The following CAMK1D variants were observed in gnomAD, a reference collection of about 807,000 sequenced individuals.
CAMK1D encodes the protein calcium/calmodulin-dependent protein kinase type 1D.
In CAMK1D, 9 loss-of-function variants were observed where a neutral mutation model predicts 47.7. The ratio of observed to expected loss-of-function variants is 0.19; its 90% CI spans 0.11 to 0.33. The LOEUF is 0.33. Among genes scored for constraint, CAMK1D ranks in the 10% least tolerant of loss-of-function variants. CAMK1D has a pLI of 1.00. For synonymous variants in CAMK1D, 184 were observed against 184.9 expected (o/e 0.99, Z 0.04); for missense variants, 291 against 488.7 (o/e 0.60, Z 3.81).
At chr10:12,596,468 G>C (rs745739938) in intron 2 of CAMK1D, among the ~76,000 whole-genome samples, 1 of 152,080 alleles carries the variant, frequency 6.6e-6, no homozygotes, top group Non-Finnish European at 1.5e-5. Flanking sequence ...AGTTTACATT[G>C]GGCTTCATTT....
chr10:12,684,847 G>A (rs565917101), intron 3 of CAMK1D, among the ~76,000 whole-genome samples: 51 of 152,010 alleles, frequency 3.4e-4, no homozygotes, highest in African/African-American at 1.1e-3. Flanking sequence ...TAGAAACAAA[G>A]TTTACTGTAT....
chr10:12,732,972 A>G (rs142812188), intron 3 of CAMK1D, among the ~76,000 whole-genome samples: 4 of 152,284 alleles, frequency 2.6e-5, no homozygotes, highest in African/African-American at 9.6e-5. Flanking sequence ...CCTCAAAGAC[A>G]GAGCAGTTCT....
chr10:12,785,078 C>T (rs1837665705), intron 5 of CAMK1D, among the ~76,000 whole-genome samples: 1 of 152,190 alleles, frequency 6.6e-6, no homozygotes, highest in African/African-American at 2.4e-5. Context: ...CAGCCGCCCC[C>T]ACGCTAACCC....
intron 1 of CAMK1D, among the ~76,000 whole-genome samples, chr10:12,491,149 A>ATGTG (rs3062692): frequency 0.26 from 38,569 of 150,468 alleles, 4,954 homozygotes; most frequent in East Asian, 0.37. Context: ...GTATGAGAGT[A>ATGTG]TGTGTGTGTG....
At chr10:12,799,059 G>A (rs1395619052) in intron 6 of CAMK1D, among the ~76,000 whole-genome samples, 1 of 152,172 alleles carries the variant, frequency 6.6e-6, no homozygotes, top group African/African-American at 2.4e-5. Context: ...AGAGATGGAG[G>A]CCAGGAGGGG....
chr10:12,490,584 C>G (rs948745858), intron 1 of CAMK1D, among the ~76,000 whole-genome samples: 1 of 152,210 alleles, frequency 6.6e-6, no homozygotes, highest in Non-Finnish European at 1.5e-5. Context: ...TGCGGCGGCT[C>G]ACGCCTGTAA....
intron 1 of CAMK1D, among the ~76,000 whole-genome samples, chr10:12,400,574 G>T (rs141667658): frequency 6.6e-6 from 1 of 152,198 alleles, no homozygotes; most frequent in South Asian, 2.1e-4. Flanking sequence ...ATAGCCGCTA[G>T]CTCTACAAAT....
chr10:12,564,119 GTCTCTCTC>G (rs765364710), intron 2 of CAMK1D, among the ~76,000 whole-genome samples: 1,951 of 127,294 alleles, frequency 0.015, 31 homozygotes, highest in Admixed American at 0.053. Flanking sequence ...CTGTCTAGAT[GTCTCTCTC>G]TCTCTCTCTC....
chr10:12,630,388 T>TTTTTTA (rs112347508), intron 2 of CAMK1D, among the ~76,000 whole-genome samples: 3 of 142,264 alleles, frequency 2.1e-5, no homozygotes, highest in Non-Finnish European at 1.5e-5. Flanking sequence ...TTTTTTTTTT[T>TTTTTTA]AAAAAAAAGA....
chr10:12,768,263 A>G (rs1028005300), intron 4 of CAMK1D, among the ~76,000 whole-genome samples: 10 of 152,158 alleles, frequency 6.6e-5, no homozygotes, highest in Admixed American at 6.5e-4. Flanking sequence ...CTTTGTAGCT[A>G]TGTTATTTAG....
At chr10:12,456,892 A>G (rs1159274969) in intron 1 of CAMK1D, among the ~76,000 whole-genome samples, 3 of 152,004 alleles carry the variant, frequency 2.0e-5, no homozygotes, top group African/African-American at 7.2e-5. Context: ...CCTTTGACCC[A>G]GCAGTCCTGT....
intron 1 of CAMK1D, among the ~76,000 whole-genome samples, chr10:12,398,448 G>A (rs1035960041): frequency 1.3e-5 from 2 of 152,068 alleles, no homozygotes; most frequent in East Asian, 3.8e-4. Flanking sequence ...TCCGGAGTTC[G>A]AGTGATTCTC....
intron 1 of CAMK1D, among the ~76,000 whole-genome samples, chr10:12,388,791 C>CT (rs1409575727): frequency 6.6e-6 from 1 of 152,152 alleles, no homozygotes; most frequent in Non-Finnish European, 1.5e-5. Context: ...GGTTTGTCTG[C>CT]TGTGAAGGGA....
intron 1 of CAMK1D, among the ~76,000 whole-genome samples, chr10:12,437,964 A>G (rs1022055836): frequency 1.1e-4 from 17 of 152,224 alleles, no homozygotes; most frequent in Non-Finnish European, 2.9e-5. Flanking sequence ...AGCTGGTCAC[A>G]TAGGCACCTG....
intron 1 of CAMK1D, among the ~76,000 whole-genome samples, chr10:12,435,141 T>G (rs1832590774): frequency 6.9e-6 from 1 of 144,496 alleles, no homozygotes; most frequent in South Asian, 2.2e-4. Flanking sequence ...GAGAATGGCT[T>G]GAACTTGGGA....
chr10:12,353,691 G>A (rs536565808), intron 1 of CAMK1D, among the ~76,000 whole-genome samples: 36 of 152,222 alleles, frequency 2.4e-4, no homozygotes, highest in African/African-American at 8.2e-4. Flanking sequence ...CAACCTGTGC[G>A]CTTCAGTGCA....
At chr10:12,794,601 G>A (rs546696784) in intron 6 of CAMK1D, among the ~76,000 whole-genome samples, 75 of 152,218 alleles carry the variant, frequency 4.9e-4, no homozygotes, top group South Asian at 2.1e-3. Flanking sequence ...TATAAATTTG[G>A]TAAGTTTCTA....
intron 3 of CAMK1D, among the ~76,000 whole-genome samples, chr10:12,690,986 T>A (rs1051767538): frequency 2.4e-4 from 37 of 152,262 alleles, no homozygotes; most frequent in African/African-American, 8.7e-4. Flanking sequence ...GCCCTTTCTC[T>A]CTGTTGACTG....
intron 1 of CAMK1D, among the ~76,000 whole-genome samples, chr10:12,525,759 TA>T (rs1564391621): frequency 1.3e-5 from 2 of 151,732 alleles, no homozygotes; most frequent in Admixed American, 6.6e-5. Context: ...ATATCCTGTG[TA>T]CTTTTTTGTT....
Sources: gnomAD v4.1 joint callset for allele counts (sites outside exome capture counted in the v4.1 genomes callset) on GRCh38, gnomAD v4.1.1 for gene constraint, MANE v1.5 for transcripts, NCBI Gene and HGNC (gene_info 2026-07-23, HGNC 2026-07-21) for gene names.